RYR2: variants seen among roughly 807,000 people sequenced by gnomAD.
The protein encoded by RYR2 is cardiac muscle ryanodine receptor-calcium release channel.
RYR2 carries 227 observed loss-of-function variants against 601.1 expected under a neutral mutation model. The observed-to-expected ratio is 0.38, with a 90% CI of 0.34 to 0.42. The LOEUF is 0.42. Among genes scored for constraint, RYR2 ranks in the 10% least tolerant of loss-of-function variants. The pLI is 1.00. For missense variants in RYR2, 4,646 were observed against 6,156.5 expected, an observed-to-expected ratio of 0.75 and a Z score of 8.21; for synonymous variants, 2,223 against 2,175.1, an observed-to-expected ratio of 1.02 and a Z score of -0.61.
At position 237,465,090 on chromosome 1, in the gene RYR2, G is replaced by GCACACACACACA. The variant is rs10610645; in HGVS notation, c.1613-3990_1613-3979dup. Among the ~76,000 whole-genome samples the GCACACACACACA allele has an allele frequency of 2.1e-3, 320 of 150,226 alleles. 3 individuals carry two copies. The highest frequency in any genetic ancestry group is 7.5e-3 in the African/African-American group (306 of 40,904). ...GACATGCGCCTACATACACACACAT[G>GCACACACACACA]CACACACACACACACACACACACGC... On this transcript the variant is annotated intron_variant, in intron 16 of 104. Coordinates refer to ENST00000366574, the MANE Select transcript of RYR2 (RefSeq NM_001035.3).
intron 97 of RYR2, among the ~76,000 whole-genome samples, chr1:237,801,001 A>T (rs919450408): frequency 7.9e-5 from 12 of 152,062 alleles, no homozygotes; most frequent in African/African-American, 2.9e-4. Flanking sequence ...TCCTGCCTGG[A>T]TGTAAAAGGA....
At chr1:237,448,424 C>T (rs1252092008) in intron 14 of RYR2, among the ~76,000 whole-genome samples, 1 of 152,130 alleles carries the variant, frequency 6.6e-6, no homozygotes, top group African/African-American at 2.4e-5. Context: ...TTAGAATAAA[C>T]TTTATTTTGG....
In RYR2 at chr1:237,784,108, T is replaced by A; in HGVS notation, c.12396T>A (p.Phe4132Leu). ...GCGTCCTGAATTATTTCCAGCCCTT[T>A]CTGGGCCGCATCGAAATCATGGGAA... ...AESVLNYFQPFLGRIEIMGSA... is the reference protein window; with the variant it reads ...AESVLNYFQPLLGRIEIMGSA... Residue 4132 changes from phenylalanine to leucine, a missense_variant, in exon 90 of 105, where the codon TTT (phenylalanine) becomes TTA (leucine). Transcript: ENST00000366574. This position sits in a 1 kb window ranked among gnomAD's most constrained non-coding sequence, Gnocchi z 7.1. The A allele has an allele frequency of 6.2e-7, 1 of 1,613,984 alleles. No homozygotes were observed. Among genetic ancestry groups the A allele is most frequent in the Non-Finnish European group, 8.5e-7 (1 of 1,179,884 alleles).
chr1:237,700,110 A>C, intron 64 of RYR2, 119 bp from the exon 65 acceptor site: 1 of 669,850 alleles, frequency 1.5e-6, no homozygotes, highest in Non-Finnish European at 2.5e-6. Context: ...TTGATTTTAA[A>C]AGTTGGTTAC....
chr1:237,054,329 C>CCTCCCCG, intron 1 of RYR2, among the ~76,000 whole-genome samples: 1 of 141,294 alleles, frequency 7.1e-6, no homozygotes, highest in Non-Finnish European at 1.6e-5. Flanking sequence ...CCCGCCTCCC[C>CCTCCCCG]CCTCCCCCCC....
intron 17 of RYR2, among the ~76,000 whole-genome samples, chr1:237,480,932 C>G (rs2618685): frequency 0.15 from 22,864 of 151,412 alleles, 2,934 homozygotes; most frequent in African/African-American, 0.35. Context: ...TAGTTTTAAC[C>G]TCTGTTGCTT....
chr1:237,466,550 T>C (rs950235524), intron 16 of RYR2, among the ~76,000 whole-genome samples: 4 of 152,106 alleles, frequency 2.6e-5, no homozygotes, highest in Admixed American at 6.5e-5. Context: ...ATTTAAAAAA[T>C]AGTCCTTGAA....
chr1:237,814,742 G>C (rs1661609249), intron 100 of RYR2, among the ~76,000 whole-genome samples: 1 of 152,082 alleles, frequency 6.6e-6, no homozygotes, highest in African/African-American at 2.4e-5. Context: ...ATAGGACGAT[G>C]TTCATCTCAG....
chr1:237,550,631 G>A lies in RYR2; in HGVS notation c.3154G>A (p.Glu1052Lys), dbSNP rs1271333166. 1.9e-6 allele frequency: 3 copies of A among 1,587,642 alleles called. No individual in the cohort carries two copies. Among genetic ancestry groups the A allele is most frequent in the African/African-American group, 1.3e-5 (1 of 74,396 alleles). ...TKKSNKDSLR[E>K]AVRTLLGYGY... is the part of the protein sequence containing the mutation. ...GAAATCCAACAAGGACAGCCTCCGCGAGGCTGTGCGCACGCTGCTGGGGTA... is the reference window on the plus strand; with the variant it reads ...GAAATCCAACAAGGACAGCCTCCGCAAGGCTGTGCGCACGCTGCTGGGGTA... Residue 1052 changes from glutamate (E) to lysine (K), a missense_variant, in exon 27 of 105, where the codon GAG becomes AAG. Physicochemically the swap from Glu to Lys is moderately conservative, Grantham distance 56. Coordinates refer to ENST00000366574, the MANE Select transcript of RYR2 (RefSeq NM_001035.3).
chr1:237,314,030 A>G (rs1034229262), intron 2 of RYR2, among the ~76,000 whole-genome samples: 3 of 150,392 alleles, frequency 2.0e-5, no homozygotes, highest in Non-Finnish European at 4.4e-5. Context: ...TCAGCAAAAA[A>G]AAAAAAAAAG....
rs571498955 is a variant in RYR2, at chr1:237,677,114, A to T, written c.8831-934A>T. On this transcript the variant is annotated intron_variant, in intron 60 of 104. Transcript: ENST00000366574. Reference sequence around the variant, plus strand: ...ATAAGTTTCCTATAAATTATATTGTATTTTTGTCTAAAATTTGATAAACTA... The same window carrying T: ...ATAAGTTTCCTATAAATTATATTGTTTTTTTGTCTAAAATTTGATAAACTA... 2.0e-5 allele frequency among the ~76,000 whole-genome samples: 3 copies of T among 152,252 alleles called. No homozygotes were observed. The East Asian group carries it at 5.8e-4, about 29-fold the overall frequency.
intron 96 of RYR2, among the ~76,000 whole-genome samples, chr1:237,795,611 C>T (rs181030025): frequency 5.5e-5 from 6 of 108,758 alleles, no homozygotes; most frequent in South Asian, 4.6e-4. Flanking sequence ...CCACCACACC[C>T]GGCTAATTTT....
chr1:237,119,449 C>T (rs888469596), intron 1 of RYR2, among the ~76,000 whole-genome samples: 9 of 152,086 alleles, frequency 5.9e-5, no homozygotes, highest in Non-Finnish European at 7.4e-5. Flanking sequence ...TGTGCGTATG[C>T]TCTCATCTTG....
chr1:237,469,336 G>A, intron 17 of RYR2, 149 bp downstream of exon 17: 1 of 532,432 alleles, frequency 1.9e-6, no homozygotes, highest in Non-Finnish European at 3.2e-6. Flanking sequence ...AGGAGGCTGA[G>A]GTAGGAGGAT....
At chr1:237,506,653 C>T (rs1572639615) in intron 22 of RYR2, 57 bp from the exon 23 acceptor site, 1 of 1,196,968 alleles carries the variant, frequency 8.4e-7, no homozygotes, top group East Asian at 2.4e-5. Context: ...AGACTGTTGG[C>T]ACTGCATCTT....
At chr1:237,310,436 A>G (rs1694430436) in intron 2 of RYR2, among the ~76,000 whole-genome samples, 1 of 152,230 alleles carries the variant, frequency 6.6e-6, no homozygotes, top group Non-Finnish European at 1.5e-5. Context: ...AAGGTTAAAT[A>G]TCTCCACAGG....
At chr1:237,074,391 T>C (rs1364647618) in intron 1 of RYR2, among the ~76,000 whole-genome samples, 1 of 152,198 alleles carries the variant, frequency 6.6e-6, no homozygotes, top group East Asian at 1.9e-4. Flanking sequence ...ACCTACGTAC[T>C]AACTGTGAGA....
rs115096970 is a variant in RYR2, at chr1:237,337,770, A to G, written c.273+6788A>G. On this transcript the variant is annotated intron_variant, in intron 3 of 104. Transcript: ENST00000366574. ...AATAACTATAATCTCTGGACAAAAT[A>G]CAAAAACAAAACTACACCCACAATA... 1.8e-3 allele frequency among the ~76,000 whole-genome samples: 276 copies of G among 152,314 alleles called. 1 individual carries two copies. Among genetic ancestry groups the G allele is most frequent in the Non-Finnish European group, 3.4e-3 (233 of 68,020 alleles).
At chr1:237,621,923 C>T (rs1302544094) in intron 38 of RYR2, among the ~76,000 whole-genome samples, 2 of 152,076 alleles carry the variant, frequency 1.3e-5, no homozygotes, top group African/African-American at 4.8e-5. Context: ...GAAAAGGTAA[C>T]AGGAGGGATC....
Sources: allele counts gnomAD v4.1 joint callset (sites outside exome capture counted in the v4.1 genomes callset), GRCh38; gene constraint gnomAD v4.1.1; non-coding constraint Gnocchi (gnomAD v3.1); transcripts MANE v1.5; gene names NCBI Gene and HGNC (gene_info 2026-07-23, HGNC 2026-07-21).